The following KTI12 variants were observed in gnomAD, a reference collection of about 807,000 sequenced individuals.
The protein encoded by KTI12 is protein KTI12 homolog.
KTI12 carries 8 observed loss-of-function variants against 8.8 expected under a neutral mutation model. The observed-to-expected ratio is 0.91, with a 90% CI of 0.53 to 1.64. KTI12 has a LOEUF of 1.64. Among genes scored for constraint, KTI12 ranks in the 40% most tolerant of loss-of-function variants. The pLI, the probability that KTI12 is intolerant of heterozygous loss-of-function variation, is 0.00. For missense variants in KTI12, 490 were observed against 492.1 expected (o/e 1.00, Z 0.04); for synonymous variants, 216 against 220.1 (o/e 0.98, Z 0.17).
At position 52,033,369 on chromosome 1, in the gene KTI12, A is replaced by G. The variant is rs1464577323; in HGVS notation, c.393T>C (p.Ser131=). ...GANENPGRNV[S]VSWRPRAEED... ...CCTCAGCGCGTGGCCGCCAACTCAC[A>G]CTGACGTTCCGGCCAGGGTTCTCGT... The change falls in exon 1 of 1, where the codon AGT becomes AGC. Residue 131 remains serine, a synonymous_variant. Transcript: ENST00000371614. 3.1e-6 allele frequency: 5 copies of G among 1,613,402 alleles called. No individual in the cohort carries two copies. In the East Asian group the frequency reaches 6.7e-5, roughly 22 times the overall value.
chr1:52,033,531 G>T lies in KTI12; in HGVS notation c.231C>A (p.Ile77=), dbSNP rs535985985. Residue 77 remains isoleucine, a synonymous_variant, in exon 1 of 1, where the codon ATC becomes ATA. Transcript: ENST00000371614. The stretch of plus-strand genomic sequence containing the variant: ...CTTTGATGTAGTTAAGCGAGTCCAG[G>T]ATGACCACGTCGTGGCGACTCAGGC... ...ERRLSRHDVV[I]LDSLNYIKGF... is the part of the protein sequence containing the mutation. 6.2e-7 allele frequency: 1 copy of T among 1,614,004 alleles called. No individual in the cohort carries two copies. The highest frequency in any genetic ancestry group is 2.2e-5 in the East Asian group (1 of 44,880).
At position 52,032,734 on chromosome 1, in the gene KTI12, T is replaced by C. The variant is rs778933448; in HGVS notation, c.1028A>G (p.Asn343Ser). ...PNNENLPQLA[N>S]MFLQYLSQSL... The stretch of plus-strand genomic sequence containing the variant: ...CTGGCTCAAATACTGAAGAAACATG[T>C]TGGCCAGTTGCGGCAAGTTCTCATT... The change falls in exon 1 of 1, where the codon AAC (asparagine) becomes AGC (serine). Residue 343 changes from asparagine to serine, a missense_variant. Asn to Ser is a conservative substitution (Grantham distance 46). Coordinates refer to ENST00000371614, the MANE Select transcript of KTI12 (RefSeq NM_138417.3). 6.6e-5 allele frequency: 107 copies of C among 1,613,142 alleles called. No individual in the cohort carries two copies. The South Asian group carries it at 1.0e-3, about 15-fold the overall frequency.
rs1383861948 is a variant in KTI12 at position 52,032,966 on chromosome 1, C to T, written c.796G>A (p.Ala266Thr). 2 of 1,583,896 alleles carry T rather than the reference C, an allele frequency of 1.3e-6. No homozygotes were observed. Among genetic ancestry groups the T allele is most frequent in the South Asian group, 2.3e-5 (2 of 85,692 alleles). The part of the protein sequence containing the change: ...PHQSTQSQPL[A>T]SGSFLHQLDQ... ...AACTGGTGCAGAAAGCTGCCGGAGG[C>T]GAGGGGCTGGGACTGCGTAGACTGA... Residue 266 changes from alanine to threonine, a missense_variant, in exon 1 of 1, where the codon GCC becomes ACC. By Grantham distance (58) the Ala-to-Thr change is moderately conservative. Coordinates refer to ENST00000371614, the MANE Select transcript of KTI12 (RefSeq NM_138417.3).
rs1425887212 is a variant in KTI12 at position 52,032,912 on chromosome 1, C to T, written c.850G>A (p.Gly284Arg). 1.9e-6 allele frequency: 3 copies of T among 1,611,270 alleles called. No individual in the cohort carries two copies. Among genetic ancestry groups the T allele is most frequent in the Non-Finnish European group, 2.5e-6 (3 of 1,178,796 alleles). ...GCGCTCTTCTGCGCTTCCATCAATCCGGCCAGTACTTGACTCGTGACCTGG... is the reference window on the plus strand; with the variant it reads ...GCGCTCTTCTGCGCTTCCATCAATCTGGCCAGTACTTGACTCGTGACCTGG... The part of the protein sequence containing the change: ...LDQVTSQVLA[G>R]LMEAQKSAVP... The change falls in exon 1 of 1, where the codon GGA becomes AGA. Residue 284 changes from glycine to arginine, a missense_variant. Coordinates refer to ENST00000371614, the MANE Select transcript of KTI12 (RefSeq NM_138417.3).
chr1:52,033,461 G>A lies in KTI12; in HGVS notation c.301C>T (p.Pro101Ser), dbSNP rs1325331554. ...CGTACGCAGTAGACCAGGCAGAGCG[G>A]GGTGCGCGCCGCCCGTGCCAGGCAG... ...LYCLARAART[P>S]LCLVYCVRPG... Residue 101 changes from proline (P) to serine (S), a missense_variant, in exon 1 of 1, where the codon CCG becomes TCG. By Grantham distance (74) the Pro-to-Ser change is moderately conservative. Coordinates refer to ENST00000371614, the MANE Select transcript of KTI12 (RefSeq NM_138417.3). 5 of 1,613,080 alleles carry A rather than the reference G, an allele frequency of 3.1e-6. No homozygotes were observed. Among genetic ancestry groups the A allele is most frequent in the African/African-American group, 2.7e-5 (2 of 74,928 alleles).
chr1:52,033,429 G>T lies in KTI12; in HGVS notation c.333C>A (p.Gly111=). The T allele has an allele frequency of 6.2e-7, 1 of 1,611,540 alleles. No homozygotes were observed. The highest frequency in any genetic ancestry group is 1.1e-5 in the South Asian group (1 of 90,878). The change falls in exon 1 of 1, where the codon GGC becomes GGA. Residue 111 remains glycine (G), a synonymous_variant. Transcript: ENST00000371614. ...PLCLVYCVRP[G]GPIAGPQVAG... is the part of the protein sequence containing the mutation. The stretch of plus-strand genomic sequence containing the variant: ...CCACCTGAGGTCCCGCGATCGGGCC[G>T]CCGGGCCGTACGCAGTAGACCAGGC...
In KTI12 at chr1:52,033,654, G is replaced by T; in HGVS notation, c.108C>A (p.Asp36Glu). ...CCTCTGCGCCCAGGACAGCTGCGTC[G>T]TCCACCACGTACACCGCGCGGCCCT... Reference protein sequence around the residue: ...AAEGRAVYVVDDAAVLGAEDP... With the variant: ...AAEGRAVYVVEDAAVLGAEDP... Residue 36 changes from aspartate to glutamate, a missense_variant, in exon 1 of 1, where the codon GAC (aspartate) becomes GAA (glutamate). Asp to Glu is a conservative substitution (Grantham distance 45). Coordinates refer to ENST00000371614, the MANE Select transcript of KTI12 (RefSeq NM_138417.3). The T allele has an allele frequency of 6.2e-7, 1 of 1,611,290 alleles. No homozygotes were observed.
Position 52,033,349 on chromosome 1 carries a change from G to A in KTI12, c.413C>T (p.Ala138Val). ...RNVSVSWRPR[A>V]EEDGRAQAAG... ...CGCCTGGGCTCTCCCGTCCTCCTCA[G>A]CGCGTGGCCGCCAACTCACACTGAC... The change falls in exon 1 of 1, where the codon GCT (alanine) becomes GTT (valine). Residue 138 changes from alanine to valine, a missense_variant. By Grantham distance (64) the Ala-to-Val change is moderately conservative. Coordinates refer to ENST00000371614, the MANE Select transcript of KTI12 (RefSeq NM_138417.3). The A allele has an allele frequency of 1.4e-5, 22 of 1,613,800 alleles. No individual in the cohort carries two copies. The highest frequency in any genetic ancestry group is 1.8e-5 in the Non-Finnish European group (21 of 1,180,006).
Position 52,033,123 on chromosome 1 carries a change from C to T in KTI12, c.639G>A (p.Thr213=). ...FYSPELLEAL[T]LRFEAPDSRN... ...GAGAATCGGGAGCCTCAAAGCGCAGCGTTAGGGCCTCCAGGAGTTCGGGAG... is the reference window on the plus strand; with the variant it reads ...GAGAATCGGGAGCCTCAAAGCGCAGTGTTAGGGCCTCCAGGAGTTCGGGAG... Residue 213 remains threonine (T), a synonymous_variant, in exon 1 of 1, where the codon ACG becomes ACA. Transcript: ENST00000371614. 1 of 1,613,906 alleles carries T rather than the reference C, an allele frequency of 6.2e-7. No homozygotes were observed. The highest frequency in any genetic ancestry group is 1.1e-5 in the South Asian group (1 of 91,078).
At position 52,033,114 on chromosome 1, in the gene KTI12, A is replaced by C; in HGVS notation, c.648T>G (p.Phe216Leu). Residue 216 changes from phenylalanine to leucine, a missense_variant, in exon 1 of 1, where the codon TTT becomes TTG. Coordinates refer to ENST00000371614, the MANE Select transcript of KTI12 (RefSeq NM_138417.3). Reference protein sequence around the residue: ...PELLEALTLRFEAPDSRNRWD... With the variant: ...PELLEALTLRLEAPDSRNRWD... ...AGCGATTCCGAGAATCGGGAGCCTC[A>C]AAGCGCAGCGTTAGGGCCTCCAGGA... is the stretch of plus-strand genomic sequence containing the variant. 2 of 1,613,118 alleles carry C rather than the reference A, an allele frequency of 1.2e-6. No individual in the cohort carries two copies. Among genetic ancestry groups the C allele is most frequent in the Non-Finnish European group, 1.7e-6 (2 of 1,179,776 alleles).
Position 52,032,698 on chromosome 1 carries a change from C to T in KTI12, c.1064G>A (p.Ter355=), listed in dbSNP as rs2809917. Residue 355 remains the stop codon, a stop_retained_variant, in exon 1 of 1, where the codon TGA becomes TAA. Coordinates refer to ENST00000371614, the MANE Select transcript of KTI12 (RefSeq NM_138417.3). ...FLQYLSQSLH[*] ...TGGCTTCCCCCCTACCTCCTCTGGTCAGTGCAGGCTCTGGCTCAAATACTG... is the reference window on the plus strand; with the variant it reads ...TGGCTTCCCCCCTACCTCCTCTGGTTAGTGCAGGCTCTGGCTCAAATACTG... 0.13 allele frequency: 205,092 copies of T among 1,595,104 alleles called. 16,108 individuals are homozygous for T. Among genetic ancestry groups the T allele is most frequent in the African/African-American group, 0.36 (27,151 of 74,460 alleles).
In KTI12 at chr1:52,033,769, G is replaced by A. The variant is rs777847937; in HGVS notation, c.-8C>T. On this transcript the variant is annotated 5_prime_UTR_variant, in exon 1 of 1. Coordinates refer to ENST00000371614, the MANE Select transcript of KTI12 (RefSeq NM_138417.3). ...AAACACCACGAGCGGCATCCTCTCAGGGAGCGACCATTGGCAACCGCGCTG... is the reference window on the plus strand; with the variant it reads ...AAACACCACGAGCGGCATCCTCTCAAGGAGCGACCATTGGCAACCGCGCTG... 24 of 1,571,620 alleles carry A rather than the reference G, an allele frequency of 1.5e-5. No individual in the cohort carries two copies. Among genetic ancestry groups the A allele is most frequent in the Non-Finnish European group, 2.1e-5 (24 of 1,157,406 alleles).
At position 52,033,618 on chromosome 1, in the gene KTI12, C is replaced by A; in HGVS notation, c.144G>T (p.Val48=). The change falls in exon 1 of 1, where the codon GTG becomes GTT. Residue 48 remains valine, a synonymous_variant. Transcript: ENST00000371614. The part of the protein sequence containing the change: ...AAVLGAEDPA[V]YGDSAREKAL... ...CCTTCTCACGGGCAGAATCGCCGTA[C>A]ACCGCTGGGTCCTCTGCGCCCAGGA... 6.2e-7 allele frequency: 1 copy of A among 1,612,608 alleles called. No individual in the cohort carries two copies. Among genetic ancestry groups the A allele is most frequent in the Non-Finnish European group, 8.5e-7 (1 of 1,179,904 alleles).
At position 52,033,364 on chromosome 1, in the gene KTI12, C is replaced by T. The variant is rs752257963; in HGVS notation, c.398G>A (p.Ser133Asn). Residue 133 changes from serine to asparagine, a missense_variant, in exon 1 of 1, where the codon AGT (serine) becomes AAT (asparagine). Coordinates refer to ENST00000371614, the MANE Select transcript of KTI12 (RefSeq NM_138417.3). Reference protein sequence around the residue: ...NENPGRNVSVSWRPRAEEDGR... With the variant: ...NENPGRNVSVNWRPRAEEDGR... Reference sequence around the variant, plus strand: ...GTCCTCCTCAGCGCGTGGCCGCCAACTCACACTGACGTTCCGGCCAGGGTT... The same window carrying T: ...GTCCTCCTCAGCGCGTGGCCGCCAATTCACACTGACGTTCCGGCCAGGGTT... 4 of 1,613,766 alleles carry T rather than the reference C, an allele frequency of 2.5e-6. No individual in the cohort carries two copies. The South Asian group carries it at 4.4e-5, about 18-fold the overall frequency.
Position 52,033,619 on chromosome 1 carries a change from A to G in KTI12, c.143T>C (p.Val48Ala), listed in dbSNP as rs1265128627. 1 of 1,612,524 alleles carries G rather than the reference A, an allele frequency of 6.2e-7. No individual in the cohort carries two copies. The change falls in exon 1 of 1, where the codon GTG (valine) becomes GCG (alanine). Residue 48 changes from valine to alanine, a missense_variant. Transcript: ENST00000371614. Reference sequence around the variant, plus strand: ...CTTCTCACGGGCAGAATCGCCGTACACCGCTGGGTCCTCTGCGCCCAGGAC... The same window carrying G: ...CTTCTCACGGGCAGAATCGCCGTACGCCGCTGGGTCCTCTGCGCCCAGGAC... Reference protein sequence around the residue: ...AAVLGAEDPAVYGDSAREKAL... With the variant: ...AAVLGAEDPAAYGDSAREKAL...
chr1:52,032,372 C>G lies in KTI12; in HGVS notation c.*325G>C, dbSNP rs573352829. Reference sequence around the variant, plus strand: ...CTCATCTATCCAGTCTGCTCTCCCACGCCTCAGATGAGGGAAGCCAATGGT... The same window carrying G: ...CTCATCTATCCAGTCTGCTCTCCCAGGCCTCAGATGAGGGAAGCCAATGGT... On this transcript the variant is annotated 3_prime_UTR_variant, in exon 1 of 1. Transcript: ENST00000371614. The G allele has an allele frequency of 7.2e-5, 79 of 1,100,658 alleles. No homozygotes were observed. The highest frequency in any genetic ancestry group is 6.2e-4 in the African/African-American group (38 of 61,466). The allele number at this position is 1,100,658 out of a possible 1,614,324, so 68.2% of individuals were successfully genotyped here.
rs570771138 is a variant in KTI12, at chr1:52,032,303, C to T, written c.*394G>A. On this transcript the variant is annotated 3_prime_UTR_variant, in exon 1 of 1. Coordinates refer to ENST00000371614, the MANE Select transcript of KTI12 (RefSeq NM_138417.3). Reference sequence around the variant, plus strand: ...AAAAAGGGCAGGTGCAGATGTAGAACTGTACCATCTTCAGTTTCTGTTCAC... The same window carrying T: ...AAAAAGGGCAGGTGCAGATGTAGAATTGTACCATCTTCAGTTTCTGTTCAC... The T allele has an allele frequency of 2.0e-6, 2 of 1,004,174 alleles. No homozygotes were observed. Among genetic ancestry groups the T allele is most frequent in the Admixed American group, 1.1e-4 (2 of 18,150 alleles). The allele number at this position is 1,004,174 out of a possible 1,614,324, so 62.2% of individuals were successfully genotyped here.
In KTI12 at chr1:52,033,789, G is replaced by T; in HGVS notation, c.-28C>A. 2 of 1,540,396 alleles carry T rather than the reference G, an allele frequency of 1.3e-6. No individual in the cohort carries two copies. The highest frequency in any genetic ancestry group is 1.8e-6 in the Non-Finnish European group (2 of 1,142,438). On this transcript the variant is annotated 5_prime_UTR_variant, in exon 1 of 1. Transcript: ENST00000371614. ...TCTCAGGGAGCGACCATTGGCAACC[G>T]CGCTGCGCCAACTTCCGGGTTGTAC...
chr1:52,033,762 CCT>C lies in KTI12; in HGVS notation c.-3_-2del. ...GCCCGCAAAACACCACGAGCGGCAT[CCT>C]CTCAGGGAGCGACCATTGGCAACCG... On this transcript the variant is annotated 5_prime_UTR_variant, in exon 1 of 1. Coordinates refer to ENST00000371614, the MANE Select transcript of KTI12 (RefSeq NM_138417.3). The C allele has an allele frequency of 6.3e-7, 1 of 1,591,732 alleles. No individual in the cohort carries two copies. Among genetic ancestry groups the C allele is most frequent in the Non-Finnish European group, 8.6e-7 (1 of 1,168,328 alleles).
Sources: gnomAD v4.1 joint callset for allele counts on GRCh38, gnomAD v4.1.1 for gene constraint, MANE v1.5 for transcripts, NCBI Gene and HGNC (gene_info 2026-07-23, HGNC 2026-07-21) for gene names.